RB1CC1: variants seen among roughly 807,000 people sequenced by gnomAD.
The protein encoded by RB1CC1 is RB1 inducible coiled-coil 1.
A neutral mutation model predicts 177.5 loss-of-function variants in RB1CC1; 46 were observed. The ratio of observed to expected loss-of-function variants is 0.26; its 90% CI spans 0.20 to 0.33. The LOEUF is 0.33. Ranked by LOEUF, RB1CC1 falls within the 10% of genes least tolerant of loss-of-function variation. The pLI, the probability that RB1CC1 is intolerant of heterozygous loss-of-function variation, is 1.00. For missense variants in RB1CC1, 1,703 were observed against 1,816.3 expected, an observed-to-expected ratio of 0.94 and a Z score of 1.13; for synonymous variants, 666 against 613.6, an observed-to-expected ratio of 1.09 and a Z score of -1.26.
At position 52,657,857 on chromosome 8, in the gene RB1CC1, T is replaced by C; in HGVS notation, c.1972A>G (p.Ser658Gly). 1 of 1,614,050 alleles carries C rather than the reference T, an allele frequency of 6.2e-7. No homozygotes were observed. The highest frequency in any genetic ancestry group is 8.5e-7 in the Non-Finnish European group (1 of 1,179,996). ...GTAGTAGTTGTAATTCCTGCTGTAC[T>C]TTCCATCCTTGGTGAAGAAGCAGAC... is the stretch of plus-strand genomic sequence containing the variant. ...PQSASSPRME[S>G]TAGITTTTSP... Residue 658 changes from serine (S) to glycine (G), a missense_variant, in exon 15 of 24, where the codon AGT becomes GGT. Transcript: ENST00000025008.
intron 23 of RB1CC1, 89 bp downstream of exon 23, chr8:52,624,628 G>A (rs1848253079): frequency 1.9e-6 from 2 of 1,076,376 alleles, no homozygotes; most frequent in South Asian, 2.8e-5. Flanking sequence ...TAAAGGCCAA[G>A]AACAGCAGTG....
At chr8:52,689,098 T>C (rs1854572453) in intron 1 of RB1CC1, among the ~76,000 whole-genome samples, 1 of 152,274 alleles carries the variant, frequency 6.6e-6, no homozygotes, top group African/African-American at 2.4e-5. Context: ...AAACTATCTA[T>C]CCAATCCCTC....
rs951604353 is a variant in RB1CC1, at chr8:52,656,508, G to A, written c.3321C>T (p.Leu1107=). The A allele has an allele frequency of 6.8e-6, 11 of 1,611,230 alleles. No individual in the cohort carries two copies. Among genetic ancestry groups the A allele is most frequent in the Middle Eastern group, 1.7e-4 (1 of 6,040 alleles). Residue 1107 remains leucine, a synonymous_variant, in exon 15 of 24, where the codon CTC becomes CTT. Coordinates refer to ENST00000025008, the MANE Select transcript of RB1CC1 (RefSeq NM_014781.5). Reference sequence around the variant, plus strand: ...CATTATTATCCTGAATCTTTTGGTTGAGTTTACTAATTTCTGTTCTCAAAT... The same window carrying A: ...CATTATTATCCTGAATCTTTTGGTTAAGTTTACTAATTTCTGTTCTCAAAT... The part of the protein sequence containing the change: ...TENLRTEISK[L]NQKIQDNNEN...
intron 12 of RB1CC1, among the ~76,000 whole-genome samples, chr8:52,660,107 T>A (rs779736076): frequency 2.0e-5 from 3 of 152,204 alleles, no homozygotes; most frequent in African/African-American, 4.8e-5. Flanking sequence ...TGACCCCAGA[T>A]AACAATGGTT....
intron 15 of RB1CC1, among the ~76,000 whole-genome samples, chr8:52,649,524 T>C (rs898573835): frequency 6.6e-6 from 1 of 152,212 alleles, no homozygotes; most frequent in Non-Finnish European, 1.5e-5. Flanking sequence ...ATTAGTTCAC[T>C]GTTTTTTCAA....
At chr8:52,648,672 T>C (rs1340641825) in intron 15 of RB1CC1, among the ~76,000 whole-genome samples, 2 of 152,168 alleles carry the variant, frequency 1.3e-5, no homozygotes, top group African/African-American at 4.8e-5. Context: ...TTCCAATATA[T>C]GCACTGTGGT....
In RB1CC1 at chr8:52,657,055, C is replaced by T. The variant is rs559029128; in HGVS notation, c.2774G>A (p.Cys925Tyr). ...CTTCTGATCCTTTTCATTCTGCAGG[C>T]AGATTACAGCTTCTTTTTCATGTTT... ...LVKHEKEAVI[C>Y]LQNEKDQKLL... The change falls in exon 15 of 24, where the codon TGC becomes TAC. Residue 925 changes from cysteine to tyrosine, a missense_variant. By Grantham distance (194) the Cys-to-Tyr change is radical. Around this residue, in one of 6 missense-constraint regions of RB1CC1, gnomAD observed 1,169 missense variants for 1,184.7 expected, o/e 0.99. Coordinates refer to ENST00000025008, the MANE Select transcript of RB1CC1 (RefSeq NM_014781.5). The T allele has an allele frequency of 3.7e-6, 6 of 1,612,022 alleles. No individual in the cohort carries two copies. In the African/African-American group the frequency reaches 8.0e-5, roughly 22 times the overall value.
chr8:52,696,020 G>T (rs1380181373), intron 1 of RB1CC1, among the ~76,000 whole-genome samples: 4 of 152,110 alleles, frequency 2.6e-5, no homozygotes, highest in African/African-American at 9.7e-5. Flanking sequence ...TGTAGAGTTG[G>T]CTAACCTCAT....
chr8:52,649,959 T>A, intron 15 of RB1CC1, among the ~76,000 whole-genome samples: 1 of 152,260 alleles, frequency 6.6e-6, no homozygotes, highest in East Asian at 1.9e-4. Context: ...AGTATCTACA[T>A]GTTGGCCATT....
At chr8:52,651,395 T>C (rs1318843812) in intron 15 of RB1CC1, among the ~76,000 whole-genome samples, 1 of 152,214 alleles carries the variant, frequency 6.6e-6, no homozygotes, top group Non-Finnish European at 1.5e-5. Context: ...AATGGTACAG[T>C]TGGGTAGTTT....
At position 52,661,249 on chromosome 8, in the gene RB1CC1, T is replaced by C. The variant is rs1403923721; in HGVS notation, c.1391A>G (p.Gln464Arg). 6.2e-7 allele frequency: 1 copy of C among 1,613,736 alleles called. No individual in the cohort carries two copies. Among genetic ancestry groups the C allele is most frequent in the Admixed American group, 1.7e-5 (1 of 59,934 alleles). Reference protein sequence around the residue: ...WCCFVMLHADQDGEKLQALLR... With the variant: ...WCCFVMLHADRDGEKLQALLR... ...CAAAGCTTGTAACTTCTCTCCATCT[T>C]GATCAGCATGAAGCATTACAAAGCA... Residue 464 changes from glutamine to arginine, a missense_variant, in exon 10 of 24, where the codon CAA becomes CGA. Gln to Arg is a conservative substitution (Grantham distance 43). Around this residue, in one of 6 missense-constraint regions of RB1CC1, gnomAD observed 1,169 missense variants for 1,184.7 expected, o/e 0.99. Transcript: ENST00000025008.
rs1455557569 is a variant in RB1CC1 at position 52,674,468 on chromosome 8, C to T, written c.573-194G>A. ...TAGCAGAGAGAGGCTATCGTTAACC[C>T]ATTAAAATATCACTCTAGGGCTGGG... On this transcript the variant is annotated intron_variant, in intron 6 of 23. Coordinates refer to ENST00000025008, the MANE Select transcript of RB1CC1 (RefSeq NM_014781.5). Among the ~76,000 whole-genome samples the T allele has an allele frequency of 3.9e-5, 6 of 152,150 alleles. No individual in the cohort carries two copies. The East Asian group carries it at 5.8e-4, about 15-fold the overall frequency.
At chr8:52,697,199 G>A (rs1278526135) in intron 1 of RB1CC1, among the ~76,000 whole-genome samples, 2 of 150,784 alleles carry the variant, frequency 1.3e-5, no homozygotes, top group East Asian at 1.9e-4. Flanking sequence ...AGGAAATATG[G>A]AGTATAAAGA....
chr8:52,665,271 A>G (rs1297911957), intron 8 of RB1CC1, among the ~76,000 whole-genome samples: 1 of 152,254 alleles, frequency 6.6e-6, no homozygotes, highest in African/African-American at 2.4e-5. Flanking sequence ...AAAACATGAA[A>G]AAGAAAATGT....
intron 15 of RB1CC1, among the ~76,000 whole-genome samples, chr8:52,650,786 G>A (rs753298832): frequency 6.6e-6 from 1 of 152,184 alleles, no homozygotes; most frequent in Non-Finnish European, 1.5e-5. Flanking sequence ...GTAGTTGTTT[G>A]AAAAACCAGT....
rs1852833273 is a variant in RB1CC1 at position 52,673,938 on chromosome 8, A to T, written c.909T>A (p.Phe303Leu). The T allele has an allele frequency of 1.9e-6, 3 of 1,614,048 alleles. No individual in the cohort carries two copies. The highest frequency in any genetic ancestry group is 1.6e-4 in the Middle Eastern group (1 of 6,084). The change falls in exon 7 of 24, where the codon TTT (phenylalanine) becomes TTA (leucine). Residue 303 changes from phenylalanine (F) to leucine (L), a missense_variant. This residue lies in a region of RB1CC1 where 315 missense variants were observed against 304.9 expected (regional missense o/e 1.03). Coordinates refer to ENST00000025008, the MANE Select transcript of RB1CC1 (RefSeq NM_014781.5). ...TIDTKDGDLP[F>L]FNVSLLDWIN... ...TCCAGTCTAACAAAGAGACATTAAAAAAGGGCAGATCACCATCTTTAGTGT... is the reference window on the plus strand; with the variant it reads ...TCCAGTCTAACAAAGAGACATTAAATAAGGGCAGATCACCATCTTTAGTGT...
At chr8:52,693,458 T>TG (rs1228726682) in intron 1 of RB1CC1, among the ~76,000 whole-genome samples, 20 of 150,528 alleles carry the variant, frequency 1.3e-4, no homozygotes, top group African/African-American at 4.9e-4. Context: ...CCAACAAACA[T>TG]GAAAAAAAAG....
Position 52,683,653 on chromosome 8 carries a change from T to C in RB1CC1, c.265A>G (p.Lys89Glu). Residue 89 changes from lysine to glutamate, a missense_variant, in exon 5 of 24, where the codon AAA becomes GAA. This residue lies in a region of RB1CC1 where 118 missense variants were observed against 121.2 expected (regional missense o/e 0.97). Transcript: ENST00000025008. ...TCATTTTCTGTCGAAAAGGTAGTTT[T>C]AGGAATAGCAGGTGGACGATCACAT... is the stretch of plus-strand genomic sequence containing the variant. ...ILCDRPPAIP[K>E]TTFSTENDME... is the part of the protein sequence containing the mutation. 2 of 1,612,532 alleles carry C rather than the reference T, an allele frequency of 1.2e-6. No individual in the cohort carries two copies. Among genetic ancestry groups the C allele is most frequent in the East Asian group, 2.2e-5 (1 of 44,842 alleles).
At chr8:52,702,482 C>T (rs1173754779) in intron 1 of RB1CC1, among the ~76,000 whole-genome samples, 2 of 152,022 alleles carry the variant, frequency 1.3e-5, no homozygotes, top group Non-Finnish European at 2.9e-5. Flanking sequence ...TTTGGGAGGC[C>T]GAGGCAGGTG....
Sources: allele counts gnomAD v4.1 joint callset (sites outside exome capture counted in the v4.1 genomes callset), GRCh38; gene constraint gnomAD v4.1.1; regional missense constraint gnomAD v4.1.1; transcripts MANE v1.5; gene names NCBI Gene and HGNC (gene_info 2026-07-23, HGNC 2026-07-21).